FNBP4: variants seen among roughly 807,000 people sequenced by gnomAD.
FNBP4 encodes formin-binding protein 4.
In FNBP4, 34 loss-of-function variants were observed where a neutral mutation model predicts 119.3. The ratio of observed to expected loss-of-function variants is 0.28; its 90% confidence interval spans 0.22 to 0.38. The LOEUF (loss-of-function observed/expected upper bound fraction) is 0.38, where lower values mean the gene tolerates loss of function less well. FNBP4 is among the 10% of genes least tolerant of loss of function. FNBP4 has a pLI of 1.00. For missense variants in FNBP4, 1,112 were observed against 1,228.9 expected (o/e 0.90, Z 1.42); for synonymous variants, 462 against 430.6 (o/e 1.07, Z -0.90).
Position 47,720,094 on chromosome 11 carries a change from A to G in FNBP4, c.2806-8T>C. On this transcript the variant is annotated splice_region_variant and splice_polypyrimidine_tract_variant and intron_variant, in intron 15 of 16. Coordinates refer to ENST00000263773, the MANE Select transcript of FNBP4 (RefSeq NM_015308.5). ...GGTCTTACTCTTCTTTGCCTGTAACAAAGGTTAAAGGTCAAAAGGAATAGA... is the reference window on the plus strand; with the variant it reads ...GGTCTTACTCTTCTTTGCCTGTAACGAAGGTTAAAGGTCAAAAGGAATAGA... 6.2e-7 allele frequency: 1 copy of G among 1,609,190 alleles called. No individual in the cohort carries two copies. Among genetic ancestry groups the G allele is most frequent in the South Asian group, 1.1e-5 (1 of 90,462 alleles).
rs1391451943 is a variant in FNBP4 at position 47,746,175 on chromosome 11, A to T, written c.1126T>A (p.Leu376Met). 1 of 1,614,182 alleles carries T rather than the reference A, an allele frequency of 6.2e-7. No homozygotes were observed. Among genetic ancestry groups the T allele is most frequent in the Non-Finnish European group, 8.5e-7 (1 of 1,180,030 alleles). The change falls in exon 7 of 17, where the codon TTG (leucine) becomes ATG (methionine). Residue 376 changes from leucine (L) to methionine (M), a missense_variant. Around this residue, in one of 2 missense-constraint regions of FNBP4, gnomAD observed 826 missense variants for 988.8 expected, o/e 0.84. Transcript: ENST00000263773. ...TTIVKPQEIM[L>M]DNIEDPSQED... ...TGAGAAGGGTCTTCTATATTGTCCA[A>T]CATAATTTCCTGTGGCTTTACTATT...
chr11:47,737,171 A>AC (rs1293393655), intron 8 of FNBP4, among the ~76,000 whole-genome samples: 2 of 152,204 alleles, frequency 1.3e-5, no homozygotes, highest in African/African-American at 2.4e-5. Flanking sequence ...AGCCTGGGTG[A>AC]CAGAGTGAGA....
chr11:47,766,978 C>G, intron 1 of FNBP4, 91 bp downstream of exon 1: 1 of 1,419,320 alleles, frequency 7.0e-7, no homozygotes. Context: ...GCCGACCTCG[C>G]CCGCCTCCCT....
chr11:47,723,035 G>A lies in FNBP4; in HGVS notation c.2746C>T (p.Pro916Ser). ...GGTGGCATTTTGGGAGCTGGTGGTG[G>A]TGGAGGAGGAGGAGGAGGAGGTGGT... ...PPPPPPPPPP[P>S]PPAPKMPPPE... is the part of the protein sequence containing the mutation. The change falls in exon 15 of 17, where the codon CCA (proline) becomes TCA (serine). Residue 916 changes from proline to serine, a missense_variant. Pro to Ser is a moderately conservative substitution (Grantham distance 74). Coordinates refer to ENST00000263773, the MANE Select transcript of FNBP4 (RefSeq NM_015308.5). The A allele has an allele frequency of 1.3e-6, 2 of 1,576,638 alleles. No homozygotes were observed. Among genetic ancestry groups the A allele is most frequent in the Non-Finnish European group, 1.7e-6 (2 of 1,160,640 alleles).
At chr11:47,763,484 G>A (rs1020813972) in intron 2 of FNBP4, among the ~76,000 whole-genome samples, 3 of 70,952 alleles carry the variant, frequency 4.2e-5, no homozygotes, top group Non-Finnish European at 8.7e-5. Flanking sequence ...TCATTCTTCA[G>A]AGCCATAGTG....
At chr11:47,721,151 C>T (rs1455125125) in intron 15 of FNBP4, among the ~76,000 whole-genome samples, 3 of 151,660 alleles carry the variant, frequency 2.0e-5, no homozygotes, top group African/African-American at 7.3e-5. Context: ...GAAACCCCGT[C>T]TCTACTAAAA....
intron 15 of FNBP4, among the ~76,000 whole-genome samples, chr11:47,720,368 A>G (rs1427525961): frequency 1.3e-5 from 2 of 152,052 alleles, no homozygotes; most frequent in Non-Finnish European, 2.9e-5. Context: ...GGAGATCGAG[A>G]CCATCCTGGC....
chr11:47,745,268 TC>T (rs755341042), intron 7 of FNBP4, among the ~76,000 whole-genome samples: 1 of 152,188 alleles, frequency 6.6e-6, no homozygotes, highest in Non-Finnish European at 1.5e-5. Flanking sequence ...GCCATATTTT[TC>T]TTCTTGCATA....
At position 47,767,304 on chromosome 11, in the gene FNBP4, G is replaced by T. The variant is rs763513113; in HGVS notation, c.-16C>A. 139 of 1,483,080 alleles carry T rather than the reference G, an allele frequency of 9.4e-5. 2 individuals are homozygous for T. The highest frequency in any genetic ancestry group is 1.2e-4 in the Non-Finnish European group (133 of 1,123,190). 91.9% of individuals were successfully genotyped at this position (1,483,080 alleles called of 1,614,324 possible). On this transcript the variant is annotated 5_prime_UTR_variant, in exon 1 of 17. Transcript: ENST00000263773. ...TCTTCCCCATCGCGAGCCCAAGCGC[G>T]AGCAGAGAGCGTCGGGCGGCCGAGA...
At chr11:47,733,744 C>T (rs940764560) in intron 10 of FNBP4, among the ~76,000 whole-genome samples, 2 of 152,128 alleles carry the variant, frequency 1.3e-5, no homozygotes, top group African/African-American at 4.8e-5. Context: ...CAACTTTTCT[C>T]TTTAAACAGA....
In FNBP4 at chr11:47,734,145, GA is replaced by G. The variant is rs2097570873; in HGVS notation, c.1582-17del. ...CAATCTGAAACTACAATGCAAAAAA[GA>G]AAAAAAGTAAAACTAGAATCCGTAA... On this transcript the variant is annotated splice_polypyrimidine_tract_variant and intron_variant, in intron 9 of 16. Transcript: ENST00000263773. 3.5e-6 allele frequency: 5 copies of G among 1,425,322 alleles called. No individual in the cohort carries two copies. Among genetic ancestry groups the G allele is most frequent in the Non-Finnish European group, 4.8e-6 (5 of 1,039,196 alleles). 88.3% of individuals were successfully genotyped at this position (1,425,322 alleles called of 1,614,324 possible).
rs1003921473 is a variant in FNBP4 at position 47,767,058 on chromosome 11, C to G, written c.220+11G>C. The G allele has an allele frequency of 1.3e-6, 2 of 1,523,248 alleles. No homozygotes were observed. The highest frequency in any genetic ancestry group is 1.8e-6 in the Non-Finnish European group (2 of 1,141,972). 94.4% of individuals were successfully genotyped at this position (1,523,248 alleles called of 1,614,324 possible). ...CTGAGCTCGAGTTCAGGTCCCCCCG[C>G]GCACCCTTGCCTTCTGAAGGCGAGT... On this transcript the variant is annotated intron_variant, in intron 1 of 16. Coordinates refer to ENST00000263773, the MANE Select transcript of FNBP4 (RefSeq NM_015308.5).
intron 2 of FNBP4, among the ~76,000 whole-genome samples, chr11:47,763,383 T>C (rs1220883904): frequency 6.9e-6 from 1 of 144,122 alleles, no homozygotes; most frequent in Admixed American, 7.1e-5. Context: ...GAGGCAGAGG[T>C]TGCAGTGAGC....
intron 8 of FNBP4, among the ~76,000 whole-genome samples, chr11:47,739,038 C>T (rs1343057602): frequency 6.6e-6 from 1 of 151,040 alleles, no homozygotes; most frequent in Admixed American, 6.6e-5. Context: ...ACTCTGTTGC[C>T]CAGGTGGGAG....
rs2097590004 is a variant in FNBP4 at position 47,746,259 on chromosome 11, T to G, written c.1042A>C (p.Lys348Gln). Residue 348 changes from lysine to glutamine, a missense_variant, in exon 7 of 17, where the codon AAA becomes CAA. This residue lies in a region of FNBP4 where 826 missense variants were observed against 988.8 expected (regional missense o/e 0.84). Transcript: ENST00000263773. ...TTTACTTCTGAAACTGGCTCCTCTTTACAAATTACTTTTCTTCTCCATCTC... is the reference window on the plus strand; with the variant it reads ...TTTACTTCTGAAACTGGCTCCTCTTGACAAATTACTTTTCTTCTCCATCTC... ...EERWRRKVIC[K>Q]EEPVSEVKET... The G allele has an allele frequency of 6.2e-7, 1 of 1,614,054 alleles. No individual in the cohort carries two copies. The highest frequency in any genetic ancestry group is 1.3e-5 in the African/African-American group (1 of 74,946).
At chr11:47,751,078 A>G (rs748739445) in intron 5 of FNBP4, 42 bp from the exon 6 acceptor site, 4 of 1,612,720 alleles carry the variant, frequency 2.5e-6, no homozygotes, top group Non-Finnish European at 3.4e-6. Context: ...TAAGACAAAT[A>G]CTATCAGCAA....
chr11:47,736,309 C>A (rs1287496852), intron 9 of FNBP4, among the ~76,000 whole-genome samples: 1 of 151,010 alleles, frequency 6.6e-6, no homozygotes. Flanking sequence ...GTAATCCCAG[C>A]ACTTTGGGAG....
Position 47,724,660 on chromosome 11 carries a change from C to T in FNBP4, c.2127G>A (p.Leu709=), listed in dbSNP as rs1269519770. The change falls in exon 13 of 17, where the codon TTG becomes TTA. Residue 709 remains leucine (L), a synonymous_variant. Transcript: ENST00000263773. The part of the protein sequence containing the change: ...NVPVLQPPLP[L]EMPPPPPPPP... ...GTGGAGGTGGGGGTGGTGGCATTTC[C>T]AAGGGTAATGGAGGTTGAAGCACAG... is the stretch of plus-strand genomic sequence containing the variant. 1 of 1,613,874 alleles carries T rather than the reference C, an allele frequency of 6.2e-7. No homozygotes were observed. The highest frequency in any genetic ancestry group is 1.1e-5 in the South Asian group (1 of 91,078).
intron 2 of FNBP4, among the ~76,000 whole-genome samples, chr11:47,760,444 T>G (rs911604432): frequency 2.0e-5 from 3 of 151,192 alleles, no homozygotes; most frequent in Admixed American, 6.6e-5. Context: ...TTGTTTTTTT[T>G]TTTTTTGGAG....
Sources: gnomAD v4.1 joint callset for allele counts (sites outside exome capture counted in the v4.1 genomes callset) on GRCh38, gnomAD v4.1.1 for gene constraint, gnomAD v4.1.1 regional missense constraint, MANE v1.5 for transcripts, NCBI Gene and HGNC (gene_info 2026-07-23, HGNC 2026-07-21) for gene names.